Variants in PHACTR2 observed in about 807,000 individuals in gnomAD.
PHACTR2 encodes phosphatase and actin regulator 2.
In PHACTR2, 30 loss-of-function variants were observed where a neutral mutation model predicts 76.0. The ratio of observed to expected loss-of-function variants is 0.39; its 90% CI spans 0.30 to 0.54. The LOEUF is 0.54. PHACTR2 is among the 20% of genes least tolerant of loss of function. The probability of loss-of-function intolerance (pLI) is 0.61; values close to 1 mark genes in which losing one functional copy is unlikely to be tolerated. For missense variants in PHACTR2, 696 were observed against 781.1 expected, an observed-to-expected ratio of 0.89 and a Z score of 1.30; for synonymous variants, 292 against 292.5, an observed-to-expected ratio of 1.00 and a Z score of 0.02.
Position 143,641,166 on chromosome 6 carries a change from C to G in PHACTR2, c.13+32844C>G, listed in dbSNP as rs373329694. 5.3e-4 allele frequency among the ~76,000 whole-genome samples: 80 copies of G among 152,202 alleles called. 1 individual carries two copies. The East Asian group carries it at 5.6e-3, about 11-fold the overall frequency. Reference sequence around the variant, plus strand: ...AGGGGGTTCAAACTTGCCATTTTATCGCAACATTAATCCCACCCTTTGCAG... The same window carrying G: ...AGGGGGTTCAAACTTGCCATTTTATGGCAACATTAATCCCACCCTTTGCAG... On this transcript the variant is annotated intron_variant, in intron 1 of 11. Transcript: ENST00000305766. The surrounding 1 kb of genome is among the most constrained non-coding windows in gnomAD (Gnocchi z 5.8).
chr6:143,617,884 T>G lies in PHACTR2; in HGVS notation c.13+9562T>G, dbSNP rs76280789. 6.2e-3 allele frequency among the ~76,000 whole-genome samples: 947 copies of G among 152,348 alleles called. 23 individuals are homozygous for G. The East Asian group carries it at 0.093, about 15-fold the overall frequency. ...TCAAAGAAGGTGGTTACGGAGAGACTTAGTCACCTACTTCCTAATCAGGAA... is the reference window on the plus strand; with the variant it reads ...TCAAAGAAGGTGGTTACGGAGAGACGTAGTCACCTACTTCCTAATCAGGAA... On this transcript the variant is annotated intron_variant, in intron 1 of 11. Coordinates refer to the PHACTR2 transcript ENST00000305766. The surrounding 1 kb of genome is among the most constrained non-coding windows in gnomAD (Gnocchi z 4.8).
At position 143,618,285 on chromosome 6, in the gene PHACTR2, ACG is replaced by A. The variant is rs1491095409; in HGVS notation, c.13+9965_13+9966del. Among the ~76,000 whole-genome samples, 35 of 101,724 alleles carry A rather than the reference ACG, an allele frequency of 3.4e-4. No homozygotes were observed. The highest frequency in any genetic ancestry group is 7.1e-4 in the African/African-American group (24 of 33,826). The allele number at this position is 101,724 out of a possible 152,430, so 66.7% of individuals were successfully genotyped here. A position where few individuals can be genotyped will look rare whatever the true frequency, so the allele number is the denominator to read the frequency against. On this transcript the variant is annotated intron_variant, in intron 1 of 11. Transcript: ENST00000305766. This position sits in a 1 kb window ranked among gnomAD's most constrained non-coding sequence, Gnocchi z 5.2. ...CACACACACACACACACACACACACACGCACACTCCAGAATGAGTTTCAGATC... is the reference window on the plus strand; with the variant it reads ...CACACACACACACACACACACACACACACACTCCAGAATGAGTTTCAGATC...
rs1466917362 is a variant in PHACTR2 at position 143,618,384 on chromosome 6, G to A, written c.13+10062G>A. 6.6e-6 allele frequency among the ~76,000 whole-genome samples: 1 copy of A among 151,964 alleles called. No individual in the cohort carries two copies. The highest frequency in any genetic ancestry group is 6.6e-5 in the Admixed American group (1 of 15,244). ...TGATAACTTGCTTTTCTGGCGTTTT[G>A]GTTAATAAATGGTGTTTTTTACAAC... On this transcript the variant is annotated intron_variant, in intron 1 of 11. Coordinates refer to the PHACTR2 transcript ENST00000305766. The surrounding 1 kb of genome is among the most constrained non-coding windows in gnomAD (Gnocchi z 5.2).
rs199621630 is a variant in PHACTR2, at chr6:143,772,321, C to T, written c.1296C>T (p.Gly432=). 5.0e-6 allele frequency: 8 copies of T among 1,613,754 alleles called. No homozygotes were observed. The highest frequency in any genetic ancestry group is 1.3e-5 in the African/African-American group (1 of 75,012). The part of the protein sequence containing the change: ...VPQLLTPGLM[G]ESSESFSASE... ...AGCTACTGACTCCTGGGCTGATGGG[C>T]GAATCTTCAGAATCCTTTAGTGCCT... is the stretch of plus-strand genomic sequence containing the variant. The change falls in exon 7 of 13, where the codon GGC becomes GGT. Residue 432 remains glycine (G), a synonymous_variant. Coordinates refer to ENST00000440869, the MANE Select transcript of PHACTR2 (RefSeq NM_001100164.2). The surrounding 1 kb of genome is among the most constrained non-coding windows in gnomAD (Gnocchi z 5.4).
At chr6:143,748,221 A>G (rs1779110478) in intron 2 of PHACTR2, among the ~76,000 whole-genome samples, 2 of 152,168 alleles carry the variant, frequency 1.3e-5, no homozygotes, top group Non-Finnish European at 2.9e-5. Context: ...GCCCACCACC[A>G]TGACCAGCTA....
At chr6:143,600,073 A>G (rs1775796279) in intron 1 of PHACTR2, among the ~76,000 whole-genome samples, 1 of 152,196 alleles carries the variant, frequency 6.6e-6, no homozygotes, top group Admixed American at 6.5e-5. Flanking sequence ...AGAGAGAATC[A>G]CCTTTTTGAG....
intron 1 of PHACTR2, among the ~76,000 whole-genome samples, chr6:143,559,561 T>G (rs925731556): frequency 1.3e-5 from 2 of 152,162 alleles, no homozygotes; most frequent in African/African-American, 4.8e-5. Flanking sequence ...TATAATTCAT[T>G]CATGAGCATG....
At chr6:143,804,477 T>C (rs1776024841) in intron 11 of PHACTR2, among the ~76,000 whole-genome samples, 1 of 152,194 alleles carries the variant, frequency 6.6e-6, no homozygotes, top group Non-Finnish European at 1.5e-5. Context: ...GAGTCAAGGC[T>C]GGAGAGACAG....
At chr6:143,628,583 C>G (rs1776299889) in intron 1 of PHACTR2, among the ~76,000 whole-genome samples, 1 of 152,138 alleles carries the variant, frequency 6.6e-6, no homozygotes, top group Admixed American at 6.5e-5. Flanking sequence ...CTTCGCCTCC[C>G]TCTTATAAGG....
In PHACTR2 at chr6:143,641,095, T is replaced by C. The variant is rs944938208; in HGVS notation, c.13+32773T>C. Among the ~76,000 whole-genome samples, 1 of 152,148 alleles carries C rather than the reference T, an allele frequency of 6.6e-6. No homozygotes were observed. The highest frequency in any genetic ancestry group is 6.5e-5 in the Admixed American group (1 of 15,276). On this transcript the variant is annotated intron_variant, in intron 1 of 11. Coordinates refer to the PHACTR2 transcript ENST00000305766. This position sits in a 1 kb window ranked among gnomAD's most constrained non-coding sequence, Gnocchi z 5.8. Reference sequence around the variant, plus strand: ...ATCTGCTGAGGGCATTCTTCATGACTCAGGGAGGCAGGTGTCACATGGCAG... The same window carrying C: ...ATCTGCTGAGGGCATTCTTCATGACCCAGGGAGGCAGGTGTCACATGGCAG...
Position 143,550,224 on chromosome 6 carries a change from C to T in PHACTR2, c.217+13017C>T, listed in dbSNP as rs1775077753. Among the ~76,000 whole-genome samples, 1 of 152,020 alleles carries T rather than the reference C, an allele frequency of 6.6e-6. No individual in the cohort carries two copies. Among genetic ancestry groups the T allele is most frequent in the Non-Finnish European group, 1.5e-5 (1 of 67,944 alleles). ...ATCACCCGGGGATCTTGTTGAAATG[C>T]AGTAGGTTTTGAGTGGGAATTGAGC... On this transcript the variant is annotated intron_variant, in intron 1 of 11. Coordinates refer to the PHACTR2 transcript ENST00000367584. This position sits in a 1 kb window ranked among gnomAD's most constrained non-coding sequence, Gnocchi z 4.8.
chr6:143,701,871 T>C (rs1466080708), intron 1 of PHACTR2, among the ~76,000 whole-genome samples: 1 of 152,116 alleles, frequency 6.6e-6, no homozygotes, highest in East Asian at 1.9e-4. Flanking sequence ...ACTGATACAC[T>C]CAGCACAAAG....
Position 143,811,653 on chromosome 6 carries a change from G to A in PHACTR2, c.1922+4520G>A, listed in dbSNP as rs535943967. Among the ~76,000 whole-genome samples the A allele has an allele frequency of 7.9e-5, 12 of 151,928 alleles. No individual in the cohort carries two copies. Among genetic ancestry groups the A allele is most frequent in the African/African-American group, 2.7e-4 (11 of 41,420 alleles). ...CCTTGCTTAAGTATTCTTAAACCTT[G>A]GCAGTAAAGCAAATGTTACTGCTAT... is the stretch of plus-strand genomic sequence containing the variant. On this transcript the variant is annotated intron_variant, in intron 12 of 12. Transcript: ENST00000440869. This position sits in a 1 kb window ranked among gnomAD's most constrained non-coding sequence, Gnocchi z 4.1.
chr6:143,606,037 T>G (rs1475129698), upstream of PHACTR2, among the ~76,000 whole-genome samples: 2 of 152,176 alleles, frequency 1.3e-5, no homozygotes, highest in Non-Finnish European at 2.9e-5. Flanking sequence ...GAGTCAGTTG[T>G]GTTTCAGAAT....
At position 143,712,143 on chromosome 6, in the gene PHACTR2, GA is replaced by G; in HGVS notation, c.179del (p.Lys60ArgfsTer14). ...AAATCTTTAAGCCTTGGAAATGGAG[GA>G]AAAAGAAGACCAGCGACAAATTTAG... ...GKIFKPWKWR[K>X]KKTSDKFRET... On this transcript the variant is annotated frameshift_variant, in exon 2 of 13. Transcript: ENST00000440869. LOFTEE classifies it high-confidence loss of function. 5 of 1,559,462 alleles carry G rather than the reference GA, an allele frequency of 3.2e-6. No homozygotes were observed. Among genetic ancestry groups the G allele is most frequent in the African/African-American group, 2.8e-5 (2 of 72,138 alleles).
chr6:143,771,872 A>G (rs914973293), intron 6 of PHACTR2, among the ~76,000 whole-genome samples: 2 of 152,200 alleles, frequency 1.3e-5, no homozygotes, highest in Non-Finnish European at 2.9e-5. Context: ...AAGATGTAGT[A>G]TGCTAAGCAC....
Position 143,564,213 on chromosome 6 carries a change from ATATATATATATATATATATATATG to A in PHACTR2, c.217+27010_217+27033del, listed in dbSNP as rs1360989151. Among the ~76,000 whole-genome samples the A allele has an allele frequency of 4.4e-4, 49 of 111,342 alleles. 1 individual carries two copies. Among genetic ancestry groups the A allele is most frequent in the Non-Finnish European group, 5.5e-4 (29 of 52,356 alleles). 73.0% of individuals were successfully genotyped at this position (111,342 alleles called of 152,430 possible). A position where few individuals can be genotyped will look rare whatever the true frequency, so the allele number is the denominator to read the frequency against. On this transcript the variant is annotated intron_variant, in intron 1 of 11. Transcript: ENST00000367584. ...TGTGTGTGCATATATATATATATAT[ATATATATATATATATATATATATG>A]TATGCCACTGCACTCTAACCTTGGC...
At chr6:143,673,095 G>A (rs577375714), upstream of PHACTR2, among the ~76,000 whole-genome samples, 33 of 152,042 alleles carry the variant, frequency 2.2e-4, no homozygotes, top group East Asian at 3.9e-4. Context: ...ACCCTCCACC[G>A]TACCCATACT....
chr6:143,802,352 T>A (rs913711962), intron 11 of PHACTR2, among the ~76,000 whole-genome samples: 9 of 152,082 alleles, frequency 5.9e-5, no homozygotes, highest in Non-Finnish European at 1.0e-4. Context: ...ACAAAATCAG[T>A]CCCAGACTGG....
Sources: allele counts gnomAD v4.1 joint callset (sites outside exome capture counted in the v4.1 genomes callset), GRCh38; gene constraint gnomAD v4.1.1; non-coding constraint Gnocchi (gnomAD v3.1); transcripts MANE v1.5; gene names NCBI Gene and HGNC (gene_info 2026-07-23, HGNC 2026-07-21).